Variants in CNTN3 observed in about 807,000 individuals in gnomAD.
CNTN3 encodes contactin-3.
In CNTN3, 60 loss-of-function variants were observed where a neutral mutation model predicts 119.1. The ratio of observed to expected loss-of-function variants is 0.50; its 90% CI spans 0.41 to 0.62. The LOEUF is 0.62. Among genes scored for constraint, CNTN3 ranks in the 20% least tolerant of loss-of-function variants. The pLI is 0.00. For synonymous variants in CNTN3, 450 were observed against 438.7 expected (o/e 1.03, Z -0.32); for missense variants, 1,101 against 1,242.4 (o/e 0.89, Z 1.71).
intron 3 of CNTN3, among the ~76,000 whole-genome samples, chr3:74,495,526 T>C (rs963255144): frequency 2.6e-5 from 4 of 152,012 alleles, no homozygotes; most frequent in African/African-American, 9.7e-5. Flanking sequence ...TGTATAGTAC[T>C]CTGTGTGCCT....
intron 1 of CNTN3, among the ~76,000 whole-genome samples, chr3:74,561,968 T>A (rs957140247): frequency 6.6e-6 from 1 of 152,176 alleles, no homozygotes; most frequent in African/African-American, 2.4e-5. Flanking sequence ...TGCATTGGAT[T>A]TAGCATTCAA....
chr3:74,436,695 C>T (rs777345758), intron 4 of CNTN3, among the ~76,000 whole-genome samples: 2 of 152,054 alleles, frequency 1.3e-5, no homozygotes, highest in African/African-American at 4.8e-5. Flanking sequence ...CTTCCTCTCC[C>T]CAAAACCAGT....
At chr3:74,589,714 C>T (rs1311205524) in intron 1 of CNTN3, among the ~76,000 whole-genome samples, 2 of 150,674 alleles carry the variant, frequency 1.3e-5, no homozygotes, top group Non-Finnish European at 2.9e-5. Context: ...ACCCAAATGT[C>T]CAACAATGAT....
chr3:74,585,698 A>G lies in CNTN3; in HGVS notation c.-81+28693T>C, dbSNP rs182172148. Among the ~76,000 whole-genome samples the G allele has an allele frequency of 2.2e-4, 34 of 152,274 alleles. No homozygotes were observed. The East Asian group carries it at 3.5e-3, about 16-fold the overall frequency. Reference sequence around the variant, plus strand: ...CACACTGTAAAATTAAATTCAAGACACTTAACTTGACAAAACATTTATATT... The same window carrying G: ...CACACTGTAAAATTAAATTCAAGACGCTTAACTTGACAAAACATTTATATT... On this transcript the variant is annotated intron_variant, in intron 1 of 22. Transcript: ENST00000263665.
intron 1 of CNTN3, among the ~76,000 whole-genome samples, chr3:74,534,773 T>C (rs531134732): frequency 6.6e-5 from 10 of 152,130 alleles, no homozygotes; most frequent in African/African-American, 2.2e-4. Flanking sequence ...TATATACATA[T>C]GTAGTCTTGG....
intron 4 of CNTN3, 63 bp from the exon 5 acceptor site, chr3:74,425,003 C>A: frequency 2.8e-6 from 3 of 1,060,324 alleles, no homozygotes; most frequent in South Asian, 1.6e-5. Flanking sequence ...AATTTTACAC[C>A]AAGACCTTCC....
At chr3:74,503,288 A>G (rs534078670) in intron 2 of CNTN3, among the ~76,000 whole-genome samples, 1 of 152,144 alleles carries the variant, frequency 6.6e-6, no homozygotes, top group East Asian at 1.9e-4. Context: ...GTATTTCCTG[A>G]TGGCGCTGGA....
chr3:74,443,273 C>T (rs1026859481), intron 4 of CNTN3, among the ~76,000 whole-genome samples: 2 of 152,188 alleles, frequency 1.3e-5, no homozygotes, highest in African/African-American at 2.4e-5. Flanking sequence ...TCTATTCTTC[C>T]TTCTGGGCCC....
At chr3:74,326,351 T>G (rs1703130178) in intron 13 of CNTN3, among the ~76,000 whole-genome samples, 1 of 152,160 alleles carries the variant, frequency 6.6e-6, no homozygotes, top group Non-Finnish European at 1.5e-5. Context: ...TAGACACATA[T>G]TAATTGTACA....
Position 74,369,201 on chromosome 3 carries a change from G to C in CNTN3, c.934C>G (p.Leu312Val). 1.2e-6 allele frequency: 2 copies of C among 1,601,206 alleles called. No homozygotes were observed. Among genetic ancestry groups the C allele is most frequent in the Non-Finnish European group, 1.7e-6 (2 of 1,174,164 alleles). ...SRGKNVARGR[L>V]TYYAKPHWVQ... ...AGCAGATGCTCACCATAGTAAGTGA[G>C]ACGCCCTCTGGCAACATTTTTTCCT... The change falls in exon 8 of 23, where the codon CTC becomes GTC. Residue 312 changes from leucine (L) to valine (V), a missense_variant. Leu to Val is a conservative substitution (Grantham distance 32). Transcript: ENST00000263665.
chr3:74,579,420 T>C (rs1489154068), intron 1 of CNTN3, among the ~76,000 whole-genome samples: 5 of 149,862 alleles, frequency 3.3e-5, no homozygotes, highest in Non-Finnish European at 7.4e-5. Flanking sequence ...AATCAACCAG[T>C]GTTCCTAACA....
chr3:74,601,400 TTC>T (rs1704908606), intron 1 of CNTN3, among the ~76,000 whole-genome samples: 1 of 152,126 alleles, frequency 6.6e-6, no homozygotes, highest in Admixed American at 6.6e-5. Context: ...CATATCTGAG[TTC>T]TTTTAATTGA....
intron 13 of CNTN3, among the ~76,000 whole-genome samples, chr3:74,317,106 C>G (rs1464561957): frequency 2.0e-5 from 3 of 149,440 alleles, no homozygotes; most frequent in African/African-American, 7.4e-5. Flanking sequence ...TTCTTTGTCT[C>G]TTTTGATCTT....
At chr3:74,406,729 GA>G (rs1225172103) in intron 5 of CNTN3, among the ~76,000 whole-genome samples, 1 of 150,744 alleles carries the variant, frequency 6.6e-6, no homozygotes, top group Admixed American at 6.7e-5. Flanking sequence ...TCACCAAAAG[GA>G]AAAGAAACTA....
chr3:74,352,449 A>G (rs1308459540), intron 11 of CNTN3, among the ~76,000 whole-genome samples: 1 of 152,140 alleles, frequency 6.6e-6, no homozygotes, highest in Non-Finnish European at 1.5e-5. Context: ...GTTGTCTTGG[A>G]GGTAATTACT....
intron 5 of CNTN3, among the ~76,000 whole-genome samples, chr3:74,390,812 A>G (rs777695599): frequency 1.3e-5 from 2 of 152,214 alleles, no homozygotes; most frequent in Non-Finnish European, 2.9e-5. Context: ...AGCAGTGTTC[A>G]GATAAATGGG....
chr3:74,265,940 T>G (rs554235422), intron 22 of CNTN3, among the ~76,000 whole-genome samples: 9 of 152,252 alleles, frequency 5.9e-5, no homozygotes, highest in African/African-American at 1.9e-4. Flanking sequence ...ACTCTAAACA[T>G]ATAATTTCTA....
At chr3:74,334,560 T>C (rs892011088) in intron 13 of CNTN3, among the ~76,000 whole-genome samples, 175 bp downstream of exon 13, 2 of 152,244 alleles carry the variant, frequency 1.3e-5, no homozygotes, top group Non-Finnish European at 2.9e-5. Context: ...ATGTGTTCAA[T>C]TTCTGGTAAT....
chr3:74,319,001 CAATGA>C (rs1309084885), intron 13 of CNTN3, among the ~76,000 whole-genome samples: 8 of 152,112 alleles, frequency 5.3e-5, no homozygotes, highest in Non-Finnish European at 1.2e-4. Flanking sequence ...AACCACTGCT[CAATGA>C]AATAAAAGAG....
Sources: gnomAD v4.1 joint callset for allele counts (sites outside exome capture counted in the v4.1 genomes callset) on GRCh38, gnomAD v4.1.1 for gene constraint, MANE v1.5 for transcripts, NCBI Gene and HGNC (gene_info 2026-07-23, HGNC 2026-07-21) for gene names.